The following SERPINE3 variants were observed in gnomAD, a reference collection of about 807,000 sequenced individuals.
SERPINE3 encodes serpin family E member 3, also known as serpin E3.
In SERPINE3, 43 loss-of-function variants were observed where a neutral mutation model predicts 41.7. The observed-to-expected ratio is 1.03, with a 90% CI of 0.81 to 1.33. SERPINE3 has a LOEUF of 1.33. Among genes scored for constraint, SERPINE3 ranks in the 40% most tolerant of loss-of-function variants. The probability of loss-of-function intolerance (pLI) is 0.00; values close to 1 mark genes in which losing one functional copy is unlikely to be tolerated. For synonymous variants in SERPINE3, 200 were observed against 192.2 expected (o/e 1.04, Z -0.34); for missense variants, 440 against 491.7 (o/e 0.89, Z 0.99).
chr13:51,349,229 C>T (rs1955382441), intron 6 of SERPINE3, among the ~76,000 whole-genome samples: 1 of 152,116 alleles, frequency 6.6e-6, no homozygotes, highest in East Asian at 1.9e-4. Context: ...TAGGCAAAGG[C>T]AAAGTCCTTG....
At chr13:51,341,787 T>C (rs1443112330) in intron 3 of SERPINE3, among the ~76,000 whole-genome samples, 1 of 152,100 alleles carries the variant, frequency 6.6e-6, no homozygotes, top group East Asian at 1.9e-4. Flanking sequence ...TTTATTATCA[T>C]CCCAATTTCA....
At chr13:51,344,000 T>C (rs1955319505) in intron 3 of SERPINE3, among the ~76,000 whole-genome samples, 1 of 152,270 alleles carries the variant, frequency 6.6e-6, no homozygotes, top group African/African-American at 2.4e-5. Context: ...AGTGTTTTTC[T>C]ATTTGACTTC....
rs1207946980 is a variant in SERPINE3 at position 51,347,243 on chromosome 13, T to C, written c.700+9T>C. On this transcript the variant is annotated intron_variant, in intron 5 of 9. Transcript: ENST00000681248. ...GACCGAGGTCAACTACGGTGAGCTC[T>C]GCCCCTGCTGGTTTGTCTAAAGGGA... 6.2e-7 allele frequency: 1 copy of C among 1,611,154 alleles called. No homozygotes were observed. The highest frequency in any genetic ancestry group is 1.3e-5 in the African/African-American group (1 of 74,900).
Position 51,340,805 on chromosome 13 carries a change from C to T in SERPINE3, c.-74C>T. 1.9e-6 allele frequency: 1 copy of T among 513,582 alleles called. No homozygotes were observed. Among genetic ancestry groups the T allele is most frequent in the Non-Finnish European group, 3.5e-6 (1 of 284,648 alleles). 31.8% of individuals were successfully genotyped at this position (513,582 alleles called of 1,614,324 possible). On this transcript the variant is annotated 5_prime_UTR_variant, in exon 2 of 10. Coordinates refer to ENST00000681248, the MANE Select transcript of SERPINE3 (RefSeq NM_001386375.1). Reference sequence around the variant, plus strand: ...CCAGGGCTTTGCTAAAGTCACACATCCAGTAAGTGGCCGAAGCAGATCTTC... The same window carrying T: ...CCAGGGCTTTGCTAAAGTCACACATTCAGTAAGTGGCCGAAGCAGATCTTC...
chr13:51,342,377 C>G (rs566996457), intron 3 of SERPINE3, among the ~76,000 whole-genome samples: 35 of 152,150 alleles, frequency 2.3e-4, no homozygotes, highest in South Asian at 4.2e-4. Flanking sequence ...TCTGCTCGCT[C>G]ATATATAAAA....
chr13:51,344,357 C>T lies in SERPINE3; in HGVS notation c.362C>T (p.Thr121Met), dbSNP rs761778162. The stretch of plus-strand genomic sequence containing the variant: ...TGCAGCCTTTTTGTGCAAGTGGGAA[C>T]GCCACTGTCCCCCTGCTTTGTGGAG... ...LACSLFVQVGTPLSPCFVEHV... is the reference protein window; with the variant it reads ...LACSLFVQVGMPLSPCFVEHV... Residue 121 changes from threonine (T) to methionine (M), a missense_variant, in exon 4 of 10, where the codon ACG becomes ATG. By Grantham distance (81) the Thr-to-Met change is moderately conservative. Transcript: ENST00000681248. The T allele has an allele frequency of 6.2e-5, 100 of 1,613,648 alleles. No homozygotes were observed. Among genetic ancestry groups the T allele is most frequent in the African/African-American group, 1.9e-4 (14 of 74,892 alleles).
At chr13:51,353,834 G>A (rs1269587205) in intron 6 of SERPINE3, among the ~76,000 whole-genome samples, 3 of 151,966 alleles carry the variant, frequency 2.0e-5, no homozygotes, top group Admixed American at 2.0e-4. Flanking sequence ...TGCAAGTTCT[G>A]TATTATTTAT....
chr13:51,351,687 T>C (rs1955404625), intron 6 of SERPINE3, among the ~76,000 whole-genome samples: 1 of 152,144 alleles, frequency 6.6e-6, no homozygotes, highest in Non-Finnish European at 1.5e-5. Context: ...TTCGATGCCA[T>C]ATTATATTGA....
chr13:51,345,277 T>C lies in SERPINE3; in HGVS notation c.490+792T>C, dbSNP rs2137770710. ...CCCAGGTGGTCCGGCTCCAGCATCCTTGATCATTTCAAAAGTTTCATAGCA... is the reference window on the plus strand; with the variant it reads ...CCCAGGTGGTCCGGCTCCAGCATCCCTGATCATTTCAAAAGTTTCATAGCA... On this transcript the variant is annotated intron_variant, in intron 4 of 9. Transcript: ENST00000681248. 3.3e-5 allele frequency among the ~76,000 whole-genome samples: 5 copies of C among 152,242 alleles called. 1 individual carries two copies. The South Asian group carries it at 1.0e-3, about 32-fold the overall frequency.
chr13:51,362,127 G>C, intron 9 of SERPINE3: 1 of 1,331,846 alleles, frequency 7.5e-7, no homozygotes, highest in Non-Finnish European at 9.8e-7. Context: ...CTCATATATA[G>C]TTAATGTAGA....
intron 6 of SERPINE3, among the ~76,000 whole-genome samples, chr13:51,351,201 AT>A (rs1294190105): frequency 6.6e-6 from 1 of 152,128 alleles, no homozygotes; most frequent in Admixed American, 6.5e-5. Flanking sequence ...GTAACCCTAC[AT>A]TTTACATTTT....
At position 51,355,042 on chromosome 13, in the gene SERPINE3, G is replaced by T; in HGVS notation, c.900-1G>T. ...GTTGATGGTTTGTTTTTGCCTTTTA[G>T]GTTTAGGATCCAAAATCAATTCAAC... On this transcript the variant is annotated splice_acceptor_variant, in intron 6 of 9. Transcript: ENST00000681248. LOFTEE classifies it high-confidence loss of function. The T allele has an allele frequency of 6.7e-7, 1 of 1,490,962 alleles. No individual in the cohort carries two copies. The highest frequency in any genetic ancestry group is 9.2e-7 in the Non-Finnish European group (1 of 1,092,492). 92.4% of individuals were successfully genotyped at this position (1,490,962 alleles called of 1,614,324 possible).
chr13:51,357,017 G>A (rs10454626), intron 7 of SERPINE3, among the ~76,000 whole-genome samples: 70,645 of 151,868 alleles, frequency 0.47, 17,170 homozygotes, highest in African/African-American at 0.62. Flanking sequence ...CTGCTTTTGT[G>A]AAGTTTAATT....
At chr13:51,348,168 C>T in intron 5 of SERPINE3, 45 bp from the exon 6 acceptor site, 3 of 1,460,542 alleles carry the variant, frequency 2.1e-6, no homozygotes, top group South Asian at 2.5e-5. Context: ...GTTCATTCTC[C>T]TGGCTCCTGG....
intron 8 of SERPINE3, 59 bp from the exon 9 acceptor site, chr13:51,361,751 T>C (rs1955581524): frequency 2.1e-6 from 3 of 1,425,906 alleles, no homozygotes; most frequent in Non-Finnish European, 1.9e-6. Context: ...TCATAACCAA[T>C]AGTTATTTTC....
At chr13:51,341,416 C>T (rs1318341808) in intron 3 of SERPINE3, 69 bp downstream of exon 3, 3 of 1,394,414 alleles carry the variant, frequency 2.2e-6, no homozygotes, top group Non-Finnish European at 2.0e-6. Context: ...CCAGCTCACC[C>T]TCCTGCTCAC....
chr13:51,344,553 A>G, intron 4 of SERPINE3, 68 bp downstream of exon 4: 1 of 1,307,714 alleles, frequency 7.6e-7, no homozygotes, highest in South Asian at 1.3e-5. Context: ...CTCACCCATC[A>G]CTTGTCAGAG....
chr13:51,344,999 A>G (rs1018579519), intron 4 of SERPINE3, among the ~76,000 whole-genome samples: 5 of 152,244 alleles, frequency 3.3e-5, no homozygotes, highest in African/African-American at 1.2e-4. Context: ...CTGCCCAGCA[A>G]TGAGGTGTGA....
chr13:51,361,971 C>G, intron 9 of SERPINE3, 78 bp downstream of exon 9: 1 of 1,610,928 alleles, frequency 6.2e-7, no homozygotes, highest in Non-Finnish European at 8.5e-7. Flanking sequence ...TGTCCACTAT[C>G]CCCTCAAAAA....
Sources: gnomAD v4.1 joint callset for allele counts (sites outside exome capture counted in the v4.1 genomes callset) on GRCh38, gnomAD v4.1.1 for gene constraint, MANE v1.5 for transcripts, NCBI Gene and HGNC (gene_info 2026-07-23, HGNC 2026-07-21) for gene names.